The following XKR6 variants were observed in gnomAD, a reference collection of about 807,000 sequenced individuals.
XKR6 encodes XK related 6.
A neutral mutation model predicts 56.7 loss-of-function variants in XKR6; 22 were observed. The ratio of observed to expected loss-of-function variants is 0.39; its 90% CI spans 0.28 to 0.55. The LOEUF (loss-of-function observed/expected upper bound fraction) is 0.55, where lower values mean the gene tolerates loss of function less well. XKR6 is among the 20% of genes least tolerant of loss of function. XKR6 has a pLI of 0.66. For missense variants in XKR6, 852 were observed against 889.0 expected, an observed-to-expected ratio of 0.96 and a Z score of 0.53; for synonymous variants, 524 against 387.8, an observed-to-expected ratio of 1.35 and a Z score of -4.13.
rs1797635242 is a variant in XKR6 at position 11,079,404 on chromosome 8, G to A, written c.764+121172C>T. 2.0e-5 allele frequency among the ~76,000 whole-genome samples: 3 copies of A among 152,210 alleles called. No homozygotes were observed. The South Asian group carries it at 6.2e-4, about 32-fold the overall frequency. Reference sequence around the variant, plus strand: ...TTTTGACTTAAGAACTGTCCACAGTGGATAAAGCAAATTGCAGAACAATAT... The same window carrying A: ...TTTTGACTTAAGAACTGTCCACAGTAGATAAAGCAAATTGCAGAACAATAT... On this transcript the variant is annotated intron_variant, in intron 1 of 2. Transcript: ENST00000416569.
At chr8:11,044,092 T>C (rs774868933) in intron 1 of XKR6, among the ~76,000 whole-genome samples, 4 of 152,232 alleles carry the variant, frequency 2.6e-5, no homozygotes, top group Admixed American at 6.5e-5. Flanking sequence ...ACAGCTTTGA[T>C]TGGACAAGAG....
At chr8:11,173,366 T>TATATATAC in intron 1 of XKR6, among the ~76,000 whole-genome samples, 1 of 143,976 alleles carries the variant, frequency 6.9e-6, no homozygotes, top group Non-Finnish European at 1.5e-5. Flanking sequence ...TATATATATA[T>TATATATAC]ACACACACAC....
chr8:11,095,894 T>C (rs1300060448), intron 1 of XKR6, among the ~76,000 whole-genome samples: 1 of 152,222 alleles, frequency 6.6e-6, no homozygotes, highest in Non-Finnish European at 1.5e-5. Flanking sequence ...ATTCCACTGT[T>C]TTCCAATTAA....
At chr8:11,146,571 G>A (rs928448056) in intron 1 of XKR6, among the ~76,000 whole-genome samples, 1 of 151,092 alleles carries the variant, frequency 6.6e-6, no homozygotes, top group Non-Finnish European at 1.5e-5. Flanking sequence ...AGAGGCTGCA[G>A]TGAGTCAATA....
intron 1 of XKR6, chr8:11,062,532 G>C (rs1799862145): frequency 2.0e-5 from 7 of 354,754 alleles, no homozygotes; most frequent in South Asian, 6.5e-5. Flanking sequence ...CTACCTGCCC[G>C]ATCCAGCAAA....
chr8:11,095,618 C>T (rs545264637), intron 1 of XKR6, among the ~76,000 whole-genome samples: 19 of 152,346 alleles, frequency 1.2e-4, no homozygotes, highest in African/African-American at 4.3e-4. Flanking sequence ...ACGCACCCGC[C>T]ATGCCAATAA....
At chr8:11,198,919 CA>C (rs879780901) in intron 1 of XKR6, among the ~76,000 whole-genome samples, 79 of 143,000 alleles carry the variant, frequency 5.5e-4, no homozygotes, top group East Asian at 8.0e-4. Context: ...AGCCCCCGCC[CA>C]AAAAAAAAAA....
chr8:10,946,839 A>G (rs1423966741), intron 1 of XKR6, among the ~76,000 whole-genome samples: 1 of 152,160 alleles, frequency 6.6e-6, no homozygotes. Context: ...ATTGCTAGGC[A>G]TGAGATATTT....
At chr8:11,134,887 T>A (rs765188160) in intron 1 of XKR6, among the ~76,000 whole-genome samples, 1 of 152,088 alleles carries the variant, frequency 6.6e-6, no homozygotes. Context: ...TATACAACCA[T>A]AGAAAATTAT....
intron 1 of XKR6, among the ~76,000 whole-genome samples, chr8:11,016,112 T>C (rs1386914956): frequency 6.6e-6 from 1 of 152,066 alleles, no homozygotes; most frequent in East Asian, 1.9e-4. Context: ...GGCGCTCCGC[T>C]CTGTGGCCCC....
chr8:11,110,931 G>A (rs1238499901), intron 1 of XKR6, among the ~76,000 whole-genome samples: 1 of 151,446 alleles, frequency 6.6e-6, no homozygotes, highest in Non-Finnish European at 1.5e-5. Context: ...CCGCCTCCCA[G>A]GTTCACACCA....
At chr8:10,968,051 C>T (rs753356192) in intron 1 of XKR6, among the ~76,000 whole-genome samples, 24 of 152,254 alleles carry the variant, frequency 1.6e-4, no homozygotes, top group Non-Finnish European at 2.8e-4. Context: ...CCTGCAGCAC[C>T]CCCCAGCCTT....
At chr8:11,135,198 T>G (rs1800324976) in intron 1 of XKR6, among the ~76,000 whole-genome samples, 1 of 151,828 alleles carries the variant, frequency 6.6e-6, no homozygotes, top group African/African-American at 2.4e-5. Flanking sequence ...CCTGGCTAAT[T>G]TTTTGTATTT....
At chr8:11,135,906 C>A (rs949390427) in intron 1 of XKR6, among the ~76,000 whole-genome samples, 1 of 151,800 alleles carries the variant, frequency 6.6e-6, no homozygotes, top group Non-Finnish European at 1.5e-5. Context: ...TCCCAAAATG[C>A]AAAAACCACT....
At chr8:11,040,608 G>A (rs1276708281) in intron 1 of XKR6, among the ~76,000 whole-genome samples, 1 of 152,124 alleles carries the variant, frequency 6.6e-6, no homozygotes, top group African/African-American at 2.4e-5. Context: ...GAAGGCTTGG[G>A]AGTCCAAGAT....
chr8:11,110,456 T>A (rs1049292982), intron 1 of XKR6, among the ~76,000 whole-genome samples: 2 of 152,224 alleles, frequency 1.3e-5, no homozygotes, highest in Non-Finnish European at 2.9e-5. Context: ...AAATACTGGA[T>A]AATCCACCAA....
chr8:11,035,342 A>T, intron 1 of XKR6: 1 of 534,650 alleles, frequency 1.9e-6, no homozygotes, highest in African/African-American at 1.9e-5. Flanking sequence ...CCCACTGGCC[A>T]TGCAGGAGCC....
intron 1 of XKR6, among the ~76,000 whole-genome samples, chr8:11,117,640 A>G (rs1799245312): frequency 1.3e-5 from 2 of 152,234 alleles, no homozygotes; most frequent in Non-Finnish European, 1.5e-5. Context: ...TGAAATTTTT[A>G]AAAGTACATT....
Position 11,045,979 on chromosome 8 carries a change from G to A in XKR6, c.765-121149C>T, listed in dbSNP as rs574490039. On this transcript the variant is annotated intron_variant, in intron 1 of 2. Transcript: ENST00000416569. Reference sequence around the variant, plus strand: ...AGAGAAACTGGTACCCTTGTGCGCTGTTGTTGAGAGAATGTAAAGTGGTGC... The same window carrying A: ...AGAGAAACTGGTACCCTTGTGCGCTATTGTTGAGAGAATGTAAAGTGGTGC... Among the ~76,000 whole-genome samples, 284 of 152,350 alleles carry A rather than the reference G, an allele frequency of 1.9e-3. 1 individual carries two copies. The highest frequency in any genetic ancestry group is 6.4e-3 in the African/African-American group (268 of 41,580).
Sources: allele counts gnomAD v4.1 joint callset (sites outside exome capture counted in the v4.1 genomes callset), GRCh38; gene constraint gnomAD v4.1.1; transcripts MANE v1.5; gene names NCBI Gene and HGNC (gene_info 2026-07-23, HGNC 2026-07-21).